MYO3B: variants seen among roughly 807,000 people sequenced by gnomAD.
MYO3B encodes the protein myosin-IIIb.
MYO3B carries 156 observed loss-of-function variants against 174.6 expected under a neutral mutation model. The observed-to-expected ratio is 0.89, with a 90% CI of 0.78 to 1.02. The LOEUF (loss-of-function observed/expected upper bound fraction) is 1.02, where lower values mean the gene tolerates loss of function less well. Among genes scored for constraint, MYO3B ranks in the 50% least tolerant of loss-of-function variants. MYO3B has a pLI of 0.00. For synonymous variants in MYO3B, 563 were observed against 569.1 expected, an observed-to-expected ratio of 0.99 and a Z score of 0.15; for missense variants, 1,632 against 1,639.4, an observed-to-expected ratio of 1.00 and a Z score of 0.08.
chr2:170,235,023 T>C (rs2093055082), intron 6 of MYO3B, among the ~76,000 whole-genome samples: 1 of 152,202 alleles, frequency 6.6e-6, no homozygotes, highest in African/African-American at 2.4e-5. Flanking sequence ...TCATTTCATT[T>C]GGAATGAAAA....
At chr2:170,435,355 A>T (rs1216407454) in intron 22 of MYO3B, among the ~76,000 whole-genome samples, 1 of 152,198 alleles carries the variant, frequency 6.6e-6, no homozygotes, top group East Asian at 1.9e-4. Context: ...AGATGATAGG[A>T]ATCATAGGTA....
intron 30 of MYO3B, among the ~76,000 whole-genome samples, chr2:170,537,216 CAA>C (rs1172374111): frequency 3.6e-3 from 38 of 10,674 alleles, no homozygotes; most frequent in African/African-American, 0.013. Context: ...AAAAAAAAAA[CAA>C]AAAACAAAAA....
chr2:170,400,120 A>G, intron 16 of MYO3B, 68 bp from the exon 17 acceptor site: 1 of 1,596,938 alleles, frequency 6.3e-7, no homozygotes, highest in Non-Finnish European at 8.6e-7. Context: ...AGTTTCCACT[A>G]CAGGTCTAAT....
intron 31 of MYO3B, 89 bp downstream of exon 31, chr2:170,543,055 G>T: frequency 1.9e-6 from 2 of 1,063,640 alleles, no homozygotes; most frequent in Non-Finnish European, 2.8e-6. Context: ...CTGCGGCTGC[G>T]TGGTTGGACC....
chr2:170,503,451 G>A (rs937380803), intron 28 of MYO3B, among the ~76,000 whole-genome samples: 3 of 130,072 alleles, frequency 2.3e-5, no homozygotes, highest in African/African-American at 8.7e-5. Flanking sequence ...TTCTTTAAGG[G>A]TGTCTCCCTT....
chr2:170,224,630 A>G (rs2092933044), intron 6 of MYO3B, among the ~76,000 whole-genome samples: 1 of 152,090 alleles, frequency 6.6e-6, no homozygotes, highest in African/African-American at 2.4e-5. Context: ...TTAAGGATCT[A>G]GTATATGCAG....
intron 14 of MYO3B, among the ~76,000 whole-genome samples, chr2:170,388,083 T>TA (rs748644407): frequency 3.3e-4 from 50 of 152,068 alleles, no homozygotes; most frequent in Non-Finnish European, 5.4e-4. Context: ...TAATAGCTAT[T>TA]ATTATTATTG....
At chr2:170,253,096 C>T (rs575150861) in intron 7 of MYO3B, among the ~76,000 whole-genome samples, 1 of 152,240 alleles carries the variant, frequency 6.6e-6, no homozygotes, top group South Asian at 2.1e-4. Context: ...GGATCTTCTG[C>T]ATACTATGTG....
At chr2:170,185,051 TCTC>T (rs3066884) in intron 1 of MYO3B, among the ~76,000 whole-genome samples, 64,364 of 151,748 alleles carry the variant, frequency 0.42, 14,965 homozygotes, top group East Asian at 0.56. Flanking sequence ...AGTTGTTTGA[TCTC>T]CTTATATATT....
At chr2:170,329,151 C>CAA (rs531114026) in intron 7 of MYO3B, among the ~76,000 whole-genome samples, 4,705 of 148,474 alleles carry the variant, frequency 0.032, 267 homozygotes, top group African/African-American at 0.11. Flanking sequence ...GACTCTGTCT[C>CAA]CAAAAAAAAA....
At chr2:170,606,842 G>A (rs1694837243) in intron 32 of MYO3B, among the ~76,000 whole-genome samples, 1 of 152,132 alleles carries the variant, frequency 6.6e-6, no homozygotes, top group Non-Finnish European at 1.5e-5. Context: ...TCAACATGGA[G>A]AAACCGTGTC....
chr2:170,324,235 G>T (rs930036250), intron 7 of MYO3B, among the ~76,000 whole-genome samples: 1 of 152,100 alleles, frequency 6.6e-6, no homozygotes, highest in Non-Finnish European at 1.5e-5. Flanking sequence ...CCCCTCACTG[G>T]CCCCTTTGCT....
intron 6 of MYO3B, among the ~76,000 whole-genome samples, chr2:170,221,969 G>A (rs2092905824): frequency 6.6e-6 from 1 of 152,182 alleles, no homozygotes; most frequent in Non-Finnish European, 1.5e-5. Flanking sequence ...AATTTCACAT[G>A]GAGACTATTT....
In MYO3B at chr2:170,397,162, G is replaced by A. The variant is rs1183852204; in HGVS notation, c.1792-3026G>A. Reference sequence around the variant, plus strand: ...TTAAAGTAAAAAAAAATGACATATTGCCTTTGATTTAGAAGTTGGAAGAAT... The same window carrying A: ...TTAAAGTAAAAAAAAATGACATATTACCTTTGATTTAGAAGTTGGAAGAAT... On this transcript the variant is annotated intron_variant, in intron 16 of 34. Coordinates refer to ENST00000408978, the MANE Select transcript of MYO3B (RefSeq NM_138995.5). Among the ~76,000 whole-genome samples, 3 of 152,130 alleles carry A rather than the reference G, an allele frequency of 2.0e-5. No individual in the cohort carries two copies. The East Asian group carries it at 5.8e-4, about 29-fold the overall frequency.
intron 32 of MYO3B, among the ~76,000 whole-genome samples, chr2:170,629,879 T>A (rs921181506): frequency 6.6e-6 from 1 of 152,074 alleles, no homozygotes; most frequent in Non-Finnish European, 1.5e-5. Context: ...CACACAATAA[T>A]GAACTAGAAT....
At chr2:170,484,309 C>T (rs764553413) in intron 25 of MYO3B, among the ~76,000 whole-genome samples, 2 of 152,102 alleles carry the variant, frequency 1.3e-5, no homozygotes, top group Non-Finnish European at 2.9e-5. Flanking sequence ...GTGAAATGCC[C>T]ATCCTCAAAA....
intron 32 of MYO3B, among the ~76,000 whole-genome samples, chr2:170,584,469 G>A (rs991243161): frequency 2.0e-5 from 3 of 152,154 alleles, no homozygotes; most frequent in Non-Finnish European, 4.4e-5. Context: ...GAGATGAAGG[G>A]CAGATATAAA....
intron 1 of MYO3B, among the ~76,000 whole-genome samples, chr2:170,196,674 CAGTG>C (rs1021404419): frequency 2.5e-4 from 38 of 151,612 alleles, no homozygotes; most frequent in Non-Finnish European, 4.1e-4. Flanking sequence ...AAAATTATAT[CAGTG>C]AGAAAATTAT....
chr2:170,301,722 T>A (rs2093666180), intron 7 of MYO3B, among the ~76,000 whole-genome samples: 1 of 152,142 alleles, frequency 6.6e-6, no homozygotes, highest in Non-Finnish European at 1.5e-5. Flanking sequence ...AGAAATTGTT[T>A]CCTGATTGTG....
Sources: allele counts gnomAD v4.1 joint callset (sites outside exome capture counted in the v4.1 genomes callset), GRCh38; gene constraint gnomAD v4.1.1; transcripts MANE v1.5; gene names NCBI Gene and HGNC (gene_info 2026-07-23, HGNC 2026-07-21).